The following NHSL3 variants were observed in gnomAD, a reference collection of about 807,000 sequenced individuals.
NHSL3 encodes NHS like 3, also known as NHS-like protein 3.
chr1:32,758,163 A>T, the NHSL3 span, among the ~76,000 whole-genome samples: 1 of 152,072 alleles, frequency 6.6e-6, no homozygotes, highest in Non-Finnish European at 1.5e-5. Flanking sequence ...GCACTCAGGG[A>T]TCCACCCAAC....
chr1:32,742,042 G>C, the NHSL3 span: 1 of 1,259,910 alleles, frequency 7.9e-7, no homozygotes, highest in Non-Finnish European at 1.0e-6. Context: ...GTCCCGCTCC[G>C]GCGCGTCCGG....
the NHSL3 span, among the ~76,000 whole-genome samples, chr1:32,759,069 T>C: frequency 4.2e-4 from 64 of 152,258 alleles, no homozygotes; most frequent in Middle Eastern, 3.4e-3. Flanking sequence ...AAGAACATGA[T>C]TTTGCAGCCA....
At chr1:32,767,751 C>G in the NHSL3 span, 9 of 1,573,046 alleles carry the variant, frequency 5.7e-6, no homozygotes, top group Non-Finnish European at 6.0e-6. Flanking sequence ...GCCCAGATGC[C>G]TTTACCTCAT....
chr1:32,769,985 TG>T, the NHSL3 span: 1 of 1,607,278 alleles, frequency 6.2e-7, no homozygotes. Flanking sequence ...ACCTCAGGGA[TG>T]GGGGCCCGGG....
the NHSL3 span, among the ~76,000 whole-genome samples, chr1:32,758,579 A>T: frequency 6.6e-6 from 1 of 151,930 alleles, no homozygotes; most frequent in East Asian, 1.9e-4. Context: ...GGGCTTCCAG[A>T]TAAGAGGCTG....
chr1:32,771,282 C>T, the NHSL3 span: 298 of 1,610,576 alleles, frequency 1.9e-4, no homozygotes, highest in Non-Finnish European at 2.4e-4. Context: ...CTACCACTGA[C>T]GCCAGTCCTC....
chr1:32,759,977 T>G, the NHSL3 span, among the ~76,000 whole-genome samples: 1 of 152,220 alleles, frequency 6.6e-6, no homozygotes, highest in Non-Finnish European at 1.5e-5. Context: ...CCTGAAAGTT[T>G]GTTATGCTCA....
chr1:32,767,986 C>T, the NHSL3 span: 1 of 1,611,704 alleles, frequency 6.2e-7, no homozygotes, highest in Non-Finnish European at 8.5e-7. Flanking sequence ...CCCCTCCCCT[C>T]TCCTCCCTCC....
chr1:32,768,837 C>CT, the NHSL3 span: 1 of 1,571,108 alleles, frequency 6.4e-7, no homozygotes, highest in Non-Finnish European at 8.7e-7. Flanking sequence ...TCTGTAGCTT[C>CT]TTTTCCTCCT....
chr1:32,765,528 C>T, the NHSL3 span: 3 of 1,126,912 alleles, frequency 2.7e-6, no homozygotes, highest in Non-Finnish European at 2.4e-6. Context: ...GCCTCAGTTG[C>T]CTTTCTGTGC....
At chr1:32,772,266 G>A in the NHSL3 span, 48 of 1,602,106 alleles carry the variant, frequency 3.0e-5, 1 homozygote, top group South Asian at 1.3e-4. Context: ...CCCGCAAGCC[G>A]TCTGTGGGAG....
the NHSL3 span, among the ~76,000 whole-genome samples, chr1:32,755,249 G>C: frequency 7.9e-5 from 12 of 152,206 alleles, no homozygotes; most frequent in Non-Finnish European, 4.4e-5. Context: ...CCAAGATAGA[G>C]GGTCTTCAAC....
chr1:32,763,507 C>T, the NHSL3 span, among the ~76,000 whole-genome samples: 3 of 152,182 alleles, frequency 2.0e-5, no homozygotes, highest in Admixed American at 6.5e-5. Flanking sequence ...CCCCAGGTAC[C>T]TGCCCTGACT....
chr1:32,760,700 C>T, the NHSL3 span, among the ~76,000 whole-genome samples: 1 of 151,790 alleles, frequency 6.6e-6, no homozygotes, highest in Non-Finnish European at 1.5e-5. Flanking sequence ...AAGCGATTCT[C>T]CTGCCTCAGC....
At chr1:32,770,357 T>C in the NHSL3 span, 4 of 1,610,322 alleles carry the variant, frequency 2.5e-6, no homozygotes, top group African/African-American at 2.7e-5. The surrounding 1 kb of genome is among the most constrained non-coding windows in gnomAD (Gnocchi z 8.3). Context: ...GTCCGCTCGC[T>C]GGGGCGCTTC....
chr1:32,764,209 T>C, the NHSL3 span, among the ~76,000 whole-genome samples: 3 of 151,006 alleles, frequency 2.0e-5, no homozygotes, highest in African/African-American at 7.3e-5. Context: ...TAAACCACTC[T>C]CCCCGCCCCC....
At chr1:32,763,704 T>G in the NHSL3 span, among the ~76,000 whole-genome samples, 1 of 152,226 alleles carries the variant, frequency 6.6e-6, no homozygotes, top group African/African-American at 2.4e-5. Context: ...CCCGAGTAGC[T>G]GGAATTACAG....
chr1:32,765,135 A>G, the NHSL3 span, among the ~76,000 whole-genome samples: 3,860 of 152,272 alleles, frequency 0.025, 175 homozygotes, highest in African/African-American at 0.088. Context: ...GGCTGAACCT[A>G]TGTATGAGGG....
At chr1:32,771,567 T>TCCTCA in the NHSL3 span, 2 of 1,610,160 alleles carry the variant, frequency 1.2e-6, no homozygotes, top group Non-Finnish European at 1.7e-6. Context: ...CTTTTTTCTC[T>TCCTCA]GTGGCCAGCC....
Sources: gnomAD v4.1 joint callset for allele counts (sites outside exome capture counted in the v4.1 genomes callset) on GRCh38, gnomAD v4.1.1 for gene constraint, Gnocchi (gnomAD v3.1) non-coding constraint, MANE v1.5 for transcripts, NCBI Gene and HGNC (gene_info 2026-07-23, HGNC 2026-07-21) for gene names.